Variants in DIAPH3 observed in about 807,000 individuals in gnomAD.
DIAPH3 encodes protein diaphanous homolog 3.
In DIAPH3, 117 loss-of-function variants were observed where a neutral mutation model predicts 144.3. The observed-to-expected ratio is 0.81, with a 90% CI of 0.70 to 0.95. The LOEUF (loss-of-function observed/expected upper bound fraction) is 0.95, where lower values mean the gene tolerates loss of function less well. DIAPH3 is among the 40% of genes least tolerant of loss of function. DIAPH3 has a pLI of 0.00. For synonymous variants in DIAPH3, 519 were observed against 488.9 expected, an observed-to-expected ratio of 1.06 and a Z score of -0.81; for missense variants, 1,421 against 1,412.7, an observed-to-expected ratio of 1.01 and a Z score of -0.09.
chr13:59,902,157 T>C (rs192893519), intron 20 of DIAPH3, among the ~76,000 whole-genome samples: 3 of 152,220 alleles, frequency 2.0e-5, no homozygotes, highest in Admixed American at 1.3e-4. Flanking sequence ...ATGGTTGATA[T>C]GGTTTGGATT....
intron 17 of DIAPH3, among the ~76,000 whole-genome samples, chr13:59,939,276 T>C (rs542115567): frequency 6.6e-6 from 1 of 152,294 alleles, no homozygotes; most frequent in South Asian, 2.1e-4. Flanking sequence ...TGTTACAAAA[T>C]AACGATTTCT....
At chr13:60,059,797 G>GA (rs530977772) in intron 4 of DIAPH3, among the ~76,000 whole-genome samples, 14 of 152,134 alleles carry the variant, frequency 9.2e-5, no homozygotes, top group Admixed American at 2.0e-4. Context: ...TGAACGGATA[G>GA]AAAAAATCCA....
intron 5 of DIAPH3, among the ~76,000 whole-genome samples, chr13:60,023,731 G>A (rs1301292860): frequency 6.9e-6 from 1 of 144,678 alleles, no homozygotes; most frequent in Non-Finnish European, 1.5e-5. Context: ...ACCGTGCCCA[G>A]CCTAGTTCTC....
intron 17 of DIAPH3, among the ~76,000 whole-genome samples, chr13:59,961,175 G>A (rs1304218689): frequency 1.3e-5 from 2 of 152,180 alleles, no homozygotes; most frequent in Non-Finnish European, 2.9e-5. Context: ...AAGATTCAGA[G>A]ATGATACACA....
intron 27 of DIAPH3, among the ~76,000 whole-genome samples, chr13:59,741,483 G>A (rs1270548077): frequency 1.3e-5 from 2 of 152,084 alleles, no homozygotes; most frequent in Non-Finnish European, 2.9e-5. Flanking sequence ...GGGGCCAGGC[G>A]CAGTGGCTCA....
chr13:59,772,470 TA>T (rs1291880924), intron 27 of DIAPH3, among the ~76,000 whole-genome samples: 4 of 152,112 alleles, frequency 2.6e-5, no homozygotes, highest in African/African-American at 4.8e-5. Context: ...TCTACTAGCT[TA>T]ATTATCATAA....
chr13:59,969,480 A>G (rs920468287), intron 17 of DIAPH3, among the ~76,000 whole-genome samples: 3 of 152,120 alleles, frequency 2.0e-5, no homozygotes, highest in Non-Finnish European at 2.9e-5. Flanking sequence ...GGTTTGCTGC[A>G]CCCATCAACC....
chr13:59,991,204 A>T lies in DIAPH3; in HGVS notation c.1315T>A (p.Ser439Thr), dbSNP rs777978305. 10 of 1,611,112 alleles carry T rather than the reference A, an allele frequency of 6.2e-6. No individual in the cohort carries two copies. In the Admixed American group the frequency reaches 8.4e-5, roughly 13 times the overall value. Reference protein sequence around the residue: ...KETRAEGYFISILQHLLLIRN... With the variant: ...KETRAEGYFITILQHLLLIRN... ...ATCAGCAAAAGATGCTGAAGAATAG[A>T]AATAAAATATCCCTCTGCTCTAGTT... Residue 439 changes from serine (S) to threonine (T), a missense_variant, in exon 12 of 28, where the codon TCT (serine) becomes ACT (threonine). Coordinates refer to ENST00000400324, the MANE Select transcript of DIAPH3 (RefSeq NM_001042517.2).
At chr13:60,130,526 C>T (rs1008224881) in intron 2 of DIAPH3, among the ~76,000 whole-genome samples, 5 of 152,174 alleles carry the variant, frequency 3.3e-5, no homozygotes, top group Non-Finnish European at 7.3e-5. Context: ...CTCATTACAG[C>T]TCCCTTACCT....
intron 4 of DIAPH3, among the ~76,000 whole-genome samples, chr13:60,070,475 A>C (rs2141346297): frequency 6.6e-6 from 1 of 152,046 alleles, no homozygotes; most frequent in South Asian, 2.1e-4. Context: ...TCTATGTTTT[A>C]TTTTAGTTTC....
At chr13:59,737,743 G>C (rs1370229983) in intron 27 of DIAPH3, among the ~76,000 whole-genome samples, 1 of 152,126 alleles carries the variant, frequency 6.6e-6, no homozygotes, top group Non-Finnish European at 1.5e-5. Flanking sequence ...AATTCCAAAT[G>C]AATTAACCTA....
chr13:60,021,639 C>T (rs1014901630), intron 5 of DIAPH3, among the ~76,000 whole-genome samples: 1 of 147,136 alleles, frequency 6.8e-6, no homozygotes, highest in African/African-American at 2.5e-5. Context: ...TGCACTCCAG[C>T]CTGGGCAACA....
intron 27 of DIAPH3, among the ~76,000 whole-genome samples, chr13:59,734,099 C>A (rs1296396259): frequency 6.6e-6 from 1 of 152,172 alleles, no homozygotes; most frequent in East Asian, 1.9e-4. Context: ...CCTAAAGTTA[C>A]CTGACTTGAT....
chr13:59,839,146 GTAT>G, intron 23 of DIAPH3, 175 bp downstream of exon 23: 1 of 604,678 alleles, frequency 1.7e-6, no homozygotes, highest in Non-Finnish European at 2.8e-6. Context: ...AGACATTTGT[GTAT>G]TATTCATGAT....
At chr13:60,009,866 T>C (rs1010637242) in intron 8 of DIAPH3, among the ~76,000 whole-genome samples, 1 of 152,224 alleles carries the variant, frequency 6.6e-6, no homozygotes, top group Admixed American at 6.5e-5. Flanking sequence ...CCTGTTTAGT[T>C]TTTACATTTT....
At chr13:59,840,207 C>A (rs941411994) in intron 22 of DIAPH3, among the ~76,000 whole-genome samples, 1 of 152,024 alleles carries the variant, frequency 6.6e-6, no homozygotes, top group African/African-American at 2.4e-5. Flanking sequence ...CCTAAACCAA[C>A]TTTTAAAATA....
At chr13:59,876,755 A>G (rs2140037443) in intron 21 of DIAPH3, among the ~76,000 whole-genome samples, 1 of 152,300 alleles carries the variant, frequency 6.6e-6, no homozygotes, top group East Asian at 1.9e-4. Context: ...GTCAACTATA[A>G]TTCTGAGATG....
intron 1 of DIAPH3, among the ~76,000 whole-genome samples, chr13:60,162,750 A>T (rs1405827261): frequency 6.7e-6 from 1 of 149,938 alleles, no homozygotes; most frequent in East Asian, 2.0e-4. Flanking sequence ...AATTTCTCAC[A>T]ATTTTTACTT....
intron 4 of DIAPH3, among the ~76,000 whole-genome samples, chr13:60,091,126 C>T (rs1461304527): frequency 6.6e-6 from 1 of 152,208 alleles, no homozygotes; most frequent in Non-Finnish European, 1.5e-5. Flanking sequence ...TGAATTCCTA[C>T]TTGTTAGATT....
Sources: gnomAD v4.1 joint callset for allele counts (sites outside exome capture counted in the v4.1 genomes callset) on GRCh38, gnomAD v4.1.1 for gene constraint, MANE v1.5 for transcripts, NCBI Gene and HGNC (gene_info 2026-07-23, HGNC 2026-07-21) for gene names.